Variants in PRKG1 observed in about 807,000 individuals in gnomAD.
PRKG1 encodes the protein protein kinase cGMP-dependent 1, also known as cGMP-dependent protein kinase 1.
PRKG1 carries 35 observed loss-of-function variants against 88.1 expected under a neutral mutation model. The observed-to-expected ratio is 0.40, with a 90% CI of 0.30 to 0.53. PRKG1 has a LOEUF of 0.53. Among genes scored for constraint, PRKG1 ranks in the 20% least tolerant of loss-of-function variants. The pLI is 0.59. For synonymous variants in PRKG1, 303 were observed against 292.5 expected (o/e 1.04, Z -0.37); for missense variants, 540 against 839.8 (o/e 0.64, Z 4.41).
At chr10:51,078,651 C>G in intron 1 of PRKG1, among the ~76,000 whole-genome samples, 1 of 151,178 alleles carries the variant, frequency 6.6e-6, no homozygotes, top group Non-Finnish European at 1.5e-5. Context: ...GAGTCTCGCT[C>G]TATCGCCCAG....
chr10:51,457,719 A>G (rs559711066), intron 2 of PRKG1, among the ~76,000 whole-genome samples: 20 of 152,204 alleles, frequency 1.3e-4, no homozygotes, highest in Non-Finnish European at 2.4e-4. Flanking sequence ...ATACCATTCT[A>G]TATTTTGTTT....
At chr10:51,026,039 C>T (rs1228997737) in intron 1 of PRKG1, among the ~76,000 whole-genome samples, 1 of 151,984 alleles carries the variant, frequency 6.6e-6, no homozygotes, top group Admixed American at 6.6e-5. Flanking sequence ...AGAAAATATG[C>T]CATGTGAATA....
intron 5 of PRKG1, among the ~76,000 whole-genome samples, chr10:51,934,892 A>G (rs1408463674): frequency 1.3e-5 from 2 of 152,210 alleles, no homozygotes; most frequent in Non-Finnish European, 2.9e-5. Context: ...TCAATCAGGT[A>G]TCAAATGAGA....
chr10:51,884,146 A>G (rs1475130191), intron 4 of PRKG1, among the ~76,000 whole-genome samples: 3 of 151,888 alleles, frequency 2.0e-5, no homozygotes, highest in African/African-American at 4.8e-5. Flanking sequence ...TGAGTCACAG[A>G]TTAATTATAA....
In PRKG1 at chr10:51,308,781, A is replaced by G. The variant is rs1247870434; in HGVS notation, c.478+155451A>G. ...TGCACATTTAGGGTAAATTAAAGGG[A>G]AAAAGTGGGGTTTTAGGACCGGCAA... On this transcript the variant is annotated intron_variant, in intron 2 of 17. Transcript: ENST00000373980. Among the ~76,000 whole-genome samples, 7 of 152,168 alleles carry G rather than the reference A, an allele frequency of 4.6e-5. No individual in the cohort carries two copies. The East Asian group carries it at 1.3e-3, about 29-fold the overall frequency.
At chr10:51,336,704 G>T (rs1309756345) in intron 2 of PRKG1, among the ~76,000 whole-genome samples, 2 of 152,158 alleles carry the variant, frequency 1.3e-5, no homozygotes, top group African/African-American at 4.8e-5. Context: ...GTCACTTGAG[G>T]ACAGGAGGCA....
At chr10:51,825,878 G>A (rs868576636) in intron 4 of PRKG1, among the ~76,000 whole-genome samples, 23 of 152,108 alleles carry the variant, frequency 1.5e-4, no homozygotes, top group Middle Eastern at 3.2e-3. Flanking sequence ...TCTCCAGATT[G>A]AAGTTCCCAA....
intron 1 of PRKG1, among the ~76,000 whole-genome samples, chr10:50,994,039 G>A (rs1225724446): frequency 6.6e-6 from 1 of 152,136 alleles, no homozygotes; most frequent in African/African-American, 2.4e-5. Context: ...CTTCCTCTCT[G>A]TGCTGATTTA....
At chr10:52,157,306 GATATATATATATATAT>G (rs142784154) in intron 8 of PRKG1, among the ~76,000 whole-genome samples, 34,364 of 125,876 alleles carry the variant, frequency 0.27, 4,649 homozygotes, top group African/African-American at 0.37. Context: ...TGAGTTAGTT[GATATATATATATATAT>G]ATATATATAT....
intron 1 of PRKG1, among the ~76,000 whole-genome samples, chr10:51,117,620 A>T (rs1433117982): frequency 6.6e-6 from 1 of 152,236 alleles, no homozygotes; most frequent in East Asian, 1.9e-4. Flanking sequence ...TTTCCACAAC[A>T]ATTAGGAAGT....
intron 2 of PRKG1, among the ~76,000 whole-genome samples, chr10:51,290,722 T>C (rs1840562159): frequency 6.6e-6 from 1 of 152,120 alleles, no homozygotes; most frequent in African/African-American, 2.4e-5. Context: ...GTGGGCAGTC[T>C]ACCAAAGACA....
chr10:51,750,656 CA>C (rs1283060964), intron 3 of PRKG1, among the ~76,000 whole-genome samples: 2 of 152,118 alleles, frequency 1.3e-5, no homozygotes, highest in Non-Finnish European at 2.9e-5. Context: ...GTCAAAGGAC[CA>C]GGAAGAAAGC....
chr10:51,265,503 A>G (rs1464379923), intron 2 of PRKG1, among the ~76,000 whole-genome samples: 2 of 152,190 alleles, frequency 1.3e-5, no homozygotes, highest in African/African-American at 4.8e-5. Context: ...CTTAATGTTT[A>G]TCAGTAGTTA....
chr10:52,099,153 C>T (rs1004213988), intron 7 of PRKG1, among the ~76,000 whole-genome samples: 3 of 152,050 alleles, frequency 2.0e-5, no homozygotes, highest in African/African-American at 7.2e-5. Flanking sequence ...CGCAGTTACA[C>T]AGAATACTTT....
At chr10:51,123,423 C>T (rs966699281) in intron 1 of PRKG1, among the ~76,000 whole-genome samples, 18 of 152,238 alleles carry the variant, frequency 1.2e-4, no homozygotes, top group Admixed American at 2.6e-4. Flanking sequence ...TGGTGGCTCA[C>T]GCCTGTAATC....
intron 9 of PRKG1, among the ~76,000 whole-genome samples, chr10:52,224,450 A>T (rs1009575354): frequency 1.3e-5 from 2 of 151,704 alleles, no homozygotes; most frequent in Non-Finnish European, 1.5e-5. Flanking sequence ...TTTTATATAT[A>T]TTTTTAATTT....
At chr10:51,645,350 T>C (rs888451653) in intron 3 of PRKG1, among the ~76,000 whole-genome samples, 1 of 152,202 alleles carries the variant, frequency 6.6e-6, no homozygotes, top group East Asian at 1.9e-4. Flanking sequence ...TATTAAAACA[T>C]TTTGCAACAA....
intron 2 of PRKG1, among the ~76,000 whole-genome samples, chr10:51,382,268 G>C (rs1837126675): frequency 6.6e-6 from 1 of 152,096 alleles, no homozygotes; most frequent in African/African-American, 2.4e-5. Context: ...TTAAAGTTTA[G>C]ATAAGGTGAT....
At chr10:51,300,872 C>G (rs1342115835) in intron 2 of PRKG1, among the ~76,000 whole-genome samples, 1 of 152,218 alleles carries the variant, frequency 6.6e-6, no homozygotes, top group East Asian at 1.9e-4. Flanking sequence ...CCAAATAAGA[C>G]TTAATTAGCA....
Sources: allele counts gnomAD v4.1 joint callset (sites outside exome capture counted in the v4.1 genomes callset), GRCh38; gene constraint gnomAD v4.1.1; transcripts MANE v1.5; gene names NCBI Gene and HGNC (gene_info 2026-07-23, HGNC 2026-07-21).